DOCK10: variants seen among roughly 807,000 people sequenced by gnomAD.
DOCK10 encodes dedicator of cytokinesis protein 10.
DOCK10 carries 145 observed loss-of-function variants against 280.1 expected under a neutral mutation model. The observed-to-expected ratio is 0.52, with a 90% CI of 0.45 to 0.59. DOCK10 has a LOEUF of 0.59. Ranked by LOEUF, DOCK10 falls within the 20% of genes least tolerant of loss-of-function variation. DOCK10 has a pLI of 0.00. For synonymous variants in DOCK10, 915 were observed against 942.2 expected, an observed-to-expected ratio of 0.97 and a Z score of 0.53; for missense variants, 2,368 against 2,651.7, an observed-to-expected ratio of 0.89 and a Z score of 2.35.
chr2:225,041,107 G>A (rs1457906056), intron 1 of DOCK10, among the ~76,000 whole-genome samples: 5 of 152,154 alleles, frequency 3.3e-5, no homozygotes, highest in Admixed American at 1.3e-4. Context: ...ATTTGCTTCC[G>A]TTCTGTTCAA....
chr2:224,780,698 C>T (rs1042737635), intron 50 of DOCK10, among the ~76,000 whole-genome samples: 5 of 152,066 alleles, frequency 3.3e-5, no homozygotes, highest in African/African-American at 9.6e-5. Flanking sequence ...TACAAGAGAT[C>T]GAGACCATCC....
At chr2:224,843,293 A>G (rs1417880815) in intron 22 of DOCK10, among the ~76,000 whole-genome samples, 1 of 152,148 alleles carries the variant, frequency 6.6e-6, no homozygotes, top group East Asian at 1.9e-4. Flanking sequence ...AAATGCTGCC[A>G]GTGCATGGGT....
At chr2:224,882,473 C>T (rs1699032392) in intron 7 of DOCK10, among the ~76,000 whole-genome samples, 1 of 152,144 alleles carries the variant, frequency 6.6e-6, no homozygotes, top group African/African-American at 2.4e-5. Flanking sequence ...TACCTAAAGT[C>T]TCTGAGAAAG....
chr2:224,849,270 G>C (rs927649472), intron 19 of DOCK10, among the ~76,000 whole-genome samples: 1 of 152,136 alleles, frequency 6.6e-6, no homozygotes, highest in African/African-American at 2.4e-5. Flanking sequence ...CACTATACCC[G>C]GCCAGCATTC....
chr2:225,007,809 G>A (rs1187769792), intron 1 of DOCK10, among the ~76,000 whole-genome samples: 3 of 152,152 alleles, frequency 2.0e-5, no homozygotes, highest in African/African-American at 7.2e-5. Flanking sequence ...AAGAATGATG[G>A]TTAGCTTTGG....
intron 1 of DOCK10, among the ~76,000 whole-genome samples, chr2:224,974,386 G>T (rs1009670339): frequency 6.6e-6 from 1 of 152,112 alleles, no homozygotes; most frequent in Non-Finnish European, 1.5e-5. Flanking sequence ...TCAGTTCCAT[G>T]AAAATAAAAT....
At chr2:224,847,151 G>A (rs543230751) in intron 19 of DOCK10, among the ~76,000 whole-genome samples, 6 of 152,116 alleles carry the variant, frequency 3.9e-5, no homozygotes, top group Non-Finnish European at 8.8e-5. Flanking sequence ...TGAATGAAGG[G>A]CATACTCCCT....
Position 224,787,374 on chromosome 2 carries a change from G to A in DOCK10, c.5442C>T (p.Tyr1814=), listed in dbSNP as rs1691804568. 1.9e-6 allele frequency: 3 copies of A among 1,613,850 alleles called. No homozygotes were observed. In the Admixed American group the frequency reaches 5.0e-5, roughly 27 times the overall value. The part of the protein sequence containing the change: ...YNENILVEQL[Y]MCVEFLWKSE... ...ACTTCCAGAGAAACTCCACACACATGTATAGCTGCTCCACCAGGATATTCT... is the reference window on the plus strand; with the variant it reads ...ACTTCCAGAGAAACTCCACACACATATATAGCTGCTCCACCAGGATATTCT... Residue 1814 remains tyrosine, a synonymous_variant, in exon 49 of 56, where the codon TAC becomes TAT. Transcript: ENST00000258390.
At chr2:224,921,244 A>T (rs1701731439) in intron 2 of DOCK10, among the ~76,000 whole-genome samples, 5 of 149,498 alleles carry the variant, frequency 3.3e-5, no homozygotes, top group Admixed American at 3.3e-4. Context: ...GGAGGTTGCA[A>T]TGAACCAAGA....
chr2:224,965,028 A>G (rs1704653116), intron 1 of DOCK10, among the ~76,000 whole-genome samples: 1 of 152,204 alleles, frequency 6.6e-6, no homozygotes, highest in South Asian at 2.1e-4. Flanking sequence ...ATAAAAAAGA[A>G]ATTCTTTTGG....
rs756204425 is a variant in DOCK10, at chr2:224,876,232, AAAAG to A, written c.748-15_748-12del. The A allele has an allele frequency of 1.4e-5, 22 of 1,580,710 alleles. No homozygotes were observed. The highest frequency in any genetic ancestry group is 5.6e-5 in the Admixed American group (3 of 53,992). ...TCTTAGTCTGTTATTCTGTGGTATA[AAAAG>A]AAAGAAAGAAAAAGAGAATACCAAA... On this transcript the variant is annotated splice_polypyrimidine_tract_variant and intron_variant, in intron 7 of 55. Coordinates refer to ENST00000258390, the MANE Select transcript of DOCK10 (RefSeq NM_014689.3).
chr2:224,976,978 C>T (rs1427183283), intron 1 of DOCK10, among the ~76,000 whole-genome samples: 1 of 152,166 alleles, frequency 6.6e-6, no homozygotes, highest in East Asian at 1.9e-4. Flanking sequence ...TTCTGAAGCA[C>T]CAACAGAGAG....
intron 4 of DOCK10, among the ~76,000 whole-genome samples, chr2:224,892,446 G>GAAAAGAAAAGA (rs1458963328): frequency 1.5e-5 from 2 of 135,234 alleles, no homozygotes; most frequent in Admixed American, 7.4e-5. Flanking sequence ...GAAAAGAAAA[G>GAAAAGAAAAGA]AAAAAAATCG....
At chr2:224,962,468 G>A (rs913188346) in intron 1 of DOCK10, among the ~76,000 whole-genome samples, 24 of 152,144 alleles carry the variant, frequency 1.6e-4, no homozygotes, top group Non-Finnish European at 3.2e-4. Flanking sequence ...TTCAATAACC[G>A]ATGATATCTC....
At chr2:224,767,770 A>T (rs1574776709) in intron 55 of DOCK10, among the ~76,000 whole-genome samples, 1 of 152,050 alleles carries the variant, frequency 6.6e-6, no homozygotes, top group African/African-American at 2.4e-5. Flanking sequence ...CTCTGAATAA[A>T]CCTGCTTTTC....
intron 1 of DOCK10, among the ~76,000 whole-genome samples, chr2:225,031,788 G>T (rs952117598): frequency 6.6e-6 from 1 of 152,160 alleles, no homozygotes; most frequent in Non-Finnish European, 1.5e-5. Flanking sequence ...AGCAGATGGG[G>T]CTTACCCTTC....
intron 55 of DOCK10, among the ~76,000 whole-genome samples, chr2:224,767,460 G>A (rs1055128799): frequency 2.0e-5 from 3 of 152,084 alleles, no homozygotes; most frequent in Non-Finnish European, 4.4e-5. Flanking sequence ...CACTGCACCC[G>A]GCCTCATGTA....
intron 11 of DOCK10, among the ~76,000 whole-genome samples, chr2:224,866,865 G>A (rs150053235): frequency 2.0e-5 from 3 of 152,002 alleles, no homozygotes; most frequent in Non-Finnish European, 4.4e-5. Flanking sequence ...TATATTTTTG[G>A]CAAGTCTCCA....
intron 1 of DOCK10, chr2:224,946,919 C>T: frequency 6.5e-7 from 1 of 1,543,358 alleles, no homozygotes. Flanking sequence ...ATTCACTGGG[C>T]TCCCGTTTAA....
Sources: gnomAD v4.1 joint callset for allele counts (sites outside exome capture counted in the v4.1 genomes callset) on GRCh38, gnomAD v4.1.1 for gene constraint, MANE v1.5 for transcripts, NCBI Gene and HGNC (gene_info 2026-07-23, HGNC 2026-07-21) for gene names.